NALF1: variants seen among roughly 807,000 people sequenced by gnomAD.
NALF1 encodes the protein NALCN channel auxiliary factor 1, also known as family with sequence similarity 155 member A.
In NALF1, 3 loss-of-function variants were observed where a neutral mutation model predicts 48.4. That is an observed-to-expected ratio of 0.06 (90% CI 0.03 to 0.16). NALF1 has a LOEUF of 0.16. NALF1 is among the 10% of genes least tolerant of loss of function. The pLI, the probability that NALF1 is intolerant of heterozygous loss-of-function variation, is 1.00. For missense variants in NALF1, 526 were observed against 571.5 expected (o/e 0.92, Z 0.81); for synonymous variants, 262 against 245.7 (o/e 1.07, Z -0.62).
chr13:107,544,118 T>G (rs943036546), intron 1 of NALF1, among the ~76,000 whole-genome samples: 2 of 152,128 alleles, frequency 1.3e-5, no homozygotes, highest in African/African-American at 4.8e-5. Context: ...ATAATTGAAA[T>G]GTACAAACAT....
intron 1 of NALF1, among the ~76,000 whole-genome samples, chr13:107,864,618 A>G (rs74114310): frequency 1.7e-3 from 259 of 152,276 alleles, no homozygotes; most frequent in African/African-American, 5.7e-3. Context: ...GTAAGAAATT[A>G]CCCTTGGAAC....
At chr13:107,438,033 T>C (rs559348325) in intron 1 of NALF1, among the ~76,000 whole-genome samples, 12 of 152,234 alleles carry the variant, frequency 7.9e-5, no homozygotes, top group Non-Finnish European at 1.8e-4. Flanking sequence ...GATGGGTATG[T>C]GGACATCCAA....
intron 1 of NALF1, among the ~76,000 whole-genome samples, chr13:107,851,565 C>A (rs1057353969): frequency 6.6e-6 from 1 of 152,056 alleles, no homozygotes; most frequent in Non-Finnish European, 1.5e-5. Context: ...TTGTAATTAT[C>A]TGACTTAGAG....
intron 1 of NALF1, among the ~76,000 whole-genome samples, chr13:107,474,038 ACAATTTCTACTC>A (rs1885140996): frequency 6.6e-6 from 1 of 152,170 alleles, no homozygotes; most frequent in South Asian, 2.1e-4. Context: ...TTTATGAGAG[ACAATTTCTACTC>A]CCTTCTTCTC....
At chr13:107,676,036 T>A (rs6492066) in intron 1 of NALF1, among the ~76,000 whole-genome samples, 6 of 152,082 alleles carry the variant, frequency 3.9e-5, no homozygotes, top group African/African-American at 1.5e-4. Flanking sequence ...TGCCAATTCT[T>A]CTTCCTTCCC....
At chr13:107,693,328 T>TGGGG (rs1566446153) in intron 1 of NALF1, among the ~76,000 whole-genome samples, 42 of 55,950 alleles carry the variant, frequency 7.5e-4, no homozygotes, top group Non-Finnish European at 8.6e-4. Flanking sequence ...TGTCGTAGGG[T>TGGGG]AGGGGGGGCG....
intron 1 of NALF1, among the ~76,000 whole-genome samples, chr13:107,643,085 G>C (rs548425614): frequency 1.6e-4 from 25 of 152,126 alleles, no homozygotes; most frequent in African/African-American, 6.0e-4. Context: ...TTCATTCTCC[G>C]TTAGGGGCAC....
chr13:107,456,004 G>A (rs1000275119), intron 1 of NALF1, among the ~76,000 whole-genome samples: 1 of 152,052 alleles, frequency 6.6e-6, no homozygotes, highest in African/African-American at 2.4e-5. Flanking sequence ...GTTTTCTTGT[G>A]GGCAAAAGTT....
At chr13:107,697,554 T>C (rs1287211131) in intron 1 of NALF1, among the ~76,000 whole-genome samples, 2 of 152,148 alleles carry the variant, frequency 1.3e-5, no homozygotes, top group African/African-American at 4.8e-5. Flanking sequence ...TAGGCTTACA[T>C]AAAATTTTCT....
At chr13:107,697,026 T>C (rs1566447517) in intron 1 of NALF1, among the ~76,000 whole-genome samples, 1 of 152,144 alleles carries the variant, frequency 6.6e-6, no homozygotes, top group Admixed American at 6.5e-5. Flanking sequence ...CAAGTAGCTA[T>C]TGTGTTTAAT....
intron 1 of NALF1, among the ~76,000 whole-genome samples, chr13:107,610,565 G>A (rs529278929): frequency 6.6e-6 from 1 of 152,250 alleles, no homozygotes; most frequent in East Asian, 1.9e-4. Context: ...TTTGAAAATT[G>A]TACTAGGACG....
At chr13:107,818,224 C>G (rs1489269424) in intron 1 of NALF1, among the ~76,000 whole-genome samples, 1 of 152,126 alleles carries the variant, frequency 6.6e-6, no homozygotes, top group Non-Finnish European at 1.5e-5. Flanking sequence ...CAGTTAGACA[C>G]ACGGAGGGGC....
intron 1 of NALF1, among the ~76,000 whole-genome samples, chr13:107,493,526 T>C (rs929120764): frequency 6.6e-6 from 1 of 152,058 alleles, no homozygotes; most frequent in Non-Finnish European, 1.5e-5. Context: ...CAGTTAGGAA[T>C]GTATAGAAAT....
At chr13:107,860,295 T>C (rs905322508) in intron 1 of NALF1, among the ~76,000 whole-genome samples, 1 of 152,184 alleles carries the variant, frequency 6.6e-6, no homozygotes, top group African/African-American at 2.4e-5. Context: ...CTTACTGCCA[T>C]TACCACTTTT....
chr13:107,756,435 C>CTATATATATACATATATATATA lies in NALF1; in HGVS notation c.915+109246_915+109247insTATATATATATGTATATATATA, dbSNP rs1555323650. On this transcript the variant is annotated intron_variant, in intron 1 of 2. Transcript: ENST00000375915. ...ACTAAATATTAAATAAGTTTAATGG[C>CTATATATATACATATATATATA]TATATATATATATATATATAAAGCA... Among the ~76,000 whole-genome samples, 901 of 141,014 alleles carry CTATATATATACATATATATATA rather than the reference C, an allele frequency of 6.4e-3. 10 individuals carry two copies. Among genetic ancestry groups the CTATATATATACATATATATATA allele is most frequent in the African/African-American group, 0.023 (863 of 37,098 alleles). The allele number at this position is 141,014 out of a possible 152,430, so 92.5% of individuals were successfully genotyped here.
intron 1 of NALF1, among the ~76,000 whole-genome samples, chr13:107,665,736 C>A (rs1165314217): frequency 2.0e-5 from 3 of 151,698 alleles, no homozygotes; most frequent in African/African-American, 7.3e-5. Context: ...GAAAAATATA[C>A]AAAGGGACAC....
At chr13:107,611,408 T>G (rs1021196724) in intron 1 of NALF1, among the ~76,000 whole-genome samples, 1 of 152,350 alleles carries the variant, frequency 6.6e-6, no homozygotes, top group African/African-American at 2.4e-5. Context: ...ATATTCACGA[T>G]AGCCAAAAGG....
chr13:107,446,435 AT>A lies in NALF1; in HGVS notation c.916-235681del, dbSNP rs539684427. ...CACACACACACACACACACACACACATATTTTTACTAAATTGGAATTACACC... is the reference window on the plus strand; with the variant it reads ...CACACACACACACACACACACACACAATTTTTACTAAATTGGAATTACACC... On this transcript the variant is annotated intron_variant, in intron 1 of 2. Coordinates refer to ENST00000375915, the MANE Select transcript of NALF1 (RefSeq NM_001080396.3). 8.4e-3 allele frequency among the ~76,000 whole-genome samples: 1,267 copies of A among 151,598 alleles called. 20 individuals carry two copies. The highest frequency in any genetic ancestry group is 0.029 in the African/African-American group (1,191 of 41,228).
chr13:107,252,630 T>C (rs1880726310), intron 1 of NALF1, among the ~76,000 whole-genome samples: 1 of 152,086 alleles, frequency 6.6e-6, no homozygotes, highest in Non-Finnish European at 1.5e-5. Flanking sequence ...TTCTAATTCC[T>C]TGCAAGTGAA....
Sources: gnomAD v4.1 joint callset for allele counts (sites outside exome capture counted in the v4.1 genomes callset) on GRCh38, gnomAD v4.1.1 for gene constraint, MANE v1.5 for transcripts, NCBI Gene and HGNC (gene_info 2026-07-23, HGNC 2026-07-21) for gene names.